Variants in TMEM117 observed in about 807,000 individuals in gnomAD.
TMEM117 encodes transmembrane protein 117.
In TMEM117, 27 loss-of-function variants were observed where a neutral mutation model predicts 52.4. The ratio of observed to expected loss-of-function variants is 0.51; its 90% CI spans 0.38 to 0.71. The LOEUF is 0.71. Ranked by LOEUF, TMEM117 falls within the 30% of genes least tolerant of loss-of-function variation. The pLI is 0.00. For missense variants in TMEM117, 556 were observed against 630.5 expected (o/e 0.88, Z 1.26); for synonymous variants, 215 against 206.3 (o/e 1.04, Z -0.36).
intron 3 of TMEM117, among the ~76,000 whole-genome samples, chr12:44,022,873 G>A (rs842193): frequency 6.6e-6 from 1 of 151,942 alleles, no homozygotes; most frequent in Non-Finnish European, 1.5e-5. Context: ...AAACAAGGAG[G>A]TTTCATTTTA....
intron 2 of TMEM117, among the ~76,000 whole-genome samples, chr12:43,934,239 A>G (rs1944916112): frequency 6.6e-6 from 1 of 152,190 alleles, no homozygotes; most frequent in South Asian, 2.1e-4. Context: ...TTGATGGCTA[A>G]CTTTTCCTTA....
intron 5 of TMEM117, among the ~76,000 whole-genome samples, chr12:44,228,722 G>T (rs1171147435): frequency 6.6e-6 from 1 of 152,054 alleles, no homozygotes; most frequent in Non-Finnish European, 1.5e-5. Context: ...AAAGGCTCTG[G>T]GTGGGGATAT....
At chr12:44,007,329 A>G (rs1285700614) in intron 3 of TMEM117, among the ~76,000 whole-genome samples, 2 of 152,162 alleles carry the variant, frequency 1.3e-5, no homozygotes, top group South Asian at 2.1e-4. Context: ...TCTGACCTGT[A>G]TCATTTCCCT....
At chr12:44,176,765 C>A (rs921461908) in intron 4 of TMEM117, among the ~76,000 whole-genome samples, 4 of 152,054 alleles carry the variant, frequency 2.6e-5, no homozygotes, top group African/African-American at 9.7e-5. Flanking sequence ...TGACTATAAC[C>A]ATTTCATTCT....
At chr12:44,072,688 TAA>T (rs763633413) in intron 3 of TMEM117, among the ~76,000 whole-genome samples, 2 of 152,168 alleles carry the variant, frequency 1.3e-5, no homozygotes, top group Non-Finnish European at 2.9e-5. Flanking sequence ...AACCTGAATA[TAA>T]GTTTGTTTCT....
At chr12:44,183,481 G>T (rs1431506712) in intron 4 of TMEM117, among the ~76,000 whole-genome samples, 1 of 152,126 alleles carries the variant, frequency 6.6e-6, no homozygotes, top group Non-Finnish European at 1.5e-5. Flanking sequence ...GTTTTTGCCT[G>T]GTTCCTGCAC....
intron 3 of TMEM117, among the ~76,000 whole-genome samples, chr12:44,013,845 C>T (rs1946332882): frequency 6.6e-6 from 1 of 152,164 alleles, no homozygotes. Context: ...GTAGGGTTTG[C>T]CCTAAGACTT....
chr12:44,314,144 A>G (rs1164042112), intron 6 of TMEM117, among the ~76,000 whole-genome samples: 3 of 152,124 alleles, frequency 2.0e-5, no homozygotes, highest in Non-Finnish European at 4.4e-5. Context: ...TATGTTGAAT[A>G]GGGTTGGTAA....
chr12:44,366,544 T>C (rs1951791777), intron 6 of TMEM117, among the ~76,000 whole-genome samples: 1 of 152,098 alleles, frequency 6.6e-6, no homozygotes, highest in Non-Finnish European at 1.5e-5. Context: ...TTTCCTCTCT[T>C]ACATGAGGAT....
At chr12:44,328,020 G>A (rs1951219370) in intron 6 of TMEM117, among the ~76,000 whole-genome samples, 2 of 152,172 alleles carry the variant, frequency 1.3e-5, no homozygotes, top group Admixed American at 6.6e-5. Flanking sequence ...TCTCTATGGA[G>A]CGGTGAGCCA....
chr12:44,198,985 A>G (rs1439828573), intron 4 of TMEM117, among the ~76,000 whole-genome samples: 1 of 152,188 alleles, frequency 6.6e-6, no homozygotes, highest in Non-Finnish European at 1.5e-5. Flanking sequence ...ACTTTATATC[A>G]ATATGCTTAG....
chr12:44,216,394 A>T (rs1442736067), intron 5 of TMEM117, among the ~76,000 whole-genome samples: 1 of 152,124 alleles, frequency 6.6e-6, no homozygotes, highest in Admixed American at 6.6e-5. Flanking sequence ...ACCAGGATAA[A>T]ACAAGCATCC....
intron 2 of TMEM117, among the ~76,000 whole-genome samples, chr12:43,897,832 A>G (rs1448840499): frequency 6.6e-6 from 1 of 152,016 alleles, no homozygotes; most frequent in Non-Finnish European, 1.5e-5. Flanking sequence ...GCTGGTCTCA[A>G]ACTCCTGACC....
intron 5 of TMEM117, among the ~76,000 whole-genome samples, chr12:44,291,272 C>CT (rs145854860): frequency 0.049 from 7,131 of 146,340 alleles, 344 homozygotes; most frequent in African/African-American, 0.13. Context: ...TGTTTTGATT[C>CT]TTTTTAGATG....
chr12:44,376,857 A>T (rs1951949488), intron 7 of TMEM117, 133 bp downstream of exon 7: 1 of 995,980 alleles, frequency 1.0e-6, no homozygotes, highest in Non-Finnish European at 1.4e-6. Context: ...TTAACAGTGC[A>T]AGGTGGTTTT....
intron 2 of TMEM117, among the ~76,000 whole-genome samples, chr12:43,881,564 C>T (rs915951726): frequency 6.6e-6 from 1 of 151,996 alleles, no homozygotes; most frequent in East Asian, 1.9e-4. Flanking sequence ...CCAAGGCCAG[C>T]GGATCACCTA....
intron 2 of TMEM117, among the ~76,000 whole-genome samples, chr12:43,885,515 G>A (rs1002210327): frequency 2.2e-4 from 32 of 148,516 alleles, no homozygotes; most frequent in African/African-American, 6.2e-4. Context: ...TTAGGGAAAC[G>A]CAGCCAAGAG....
chr12:44,027,220 C>T (rs989995990), intron 3 of TMEM117, among the ~76,000 whole-genome samples: 8 of 127,726 alleles, frequency 6.3e-5, no homozygotes, highest in Admixed American at 6.2e-4. Context: ...GAGTCTCTCT[C>T]CGCTGCCCAG....
At chr12:44,207,860 T>C (rs1949590540) in intron 4 of TMEM117, among the ~76,000 whole-genome samples, 1 of 151,866 alleles carries the variant, frequency 6.6e-6, no homozygotes, top group Admixed American at 6.6e-5. Context: ...GCAGGCTGGC[T>C]CTGGAAATAG....
Sources: gnomAD v4.1 joint callset for allele counts (sites outside exome capture counted in the v4.1 genomes callset) on GRCh38, gnomAD v4.1.1 for gene constraint, MANE v1.5 for transcripts, NCBI Gene and HGNC (gene_info 2026-07-23, HGNC 2026-07-21) for gene names.